ARHGEF3: variants seen among roughly 807,000 people sequenced by gnomAD.
The protein encoded by ARHGEF3 is 59.8 kDA protein.
A neutral mutation model predicts 63.2 loss-of-function variants in ARHGEF3; 28 were observed. The ratio of observed to expected loss-of-function variants is 0.44; its 90% CI spans 0.33 to 0.61. The LOEUF (loss-of-function observed/expected upper bound fraction) is 0.61. Ranked by LOEUF, ARHGEF3 falls within the 20% of genes least tolerant of loss-of-function variation. ARHGEF3 has a pLI of 0.03. For synonymous variants in ARHGEF3, 266 were observed against 254.2 expected (o/e 1.05, Z -0.44); for missense variants, 533 against 659.3 (o/e 0.81, Z 2.10).
At chr3:57,056,619 T>C (rs1323845813) in intron 1 of ARHGEF3, among the ~76,000 whole-genome samples, 1 of 152,070 alleles carries the variant, frequency 6.6e-6, no homozygotes, top group Non-Finnish European at 1.5e-5. Context: ...GGAAAGGGCA[T>C]GTTAGTTAAG....
At chr3:56,813,918 A>G (rs1362539553) in intron 4 of ARHGEF3, among the ~76,000 whole-genome samples, 1 of 151,998 alleles carries the variant, frequency 6.6e-6, no homozygotes, top group Non-Finnish European at 1.5e-5. Flanking sequence ...CTCAGTAGAC[A>G]GATGCCAACA....
rs1704393038 is a variant in ARHGEF3, at chr3:57,045,138, G to A, written c.-27-9962C>T. On this transcript the variant is annotated intron_variant, in intron 1 of 12. Coordinates refer to the ARHGEF3 transcript ENST00000338458. ...AAAAATTAGCTGGGCGTGGTGGCGGGCACCTGTAATCCCAGCTACTGGGGA... is the reference window on the plus strand; with the variant it reads ...AAAAATTAGCTGGGCGTGGTGGCGGACACCTGTAATCCCAGCTACTGGGGA... Among the ~76,000 whole-genome samples, 3 of 152,126 alleles carry A rather than the reference G, an allele frequency of 2.0e-5. No individual in the cohort carries two copies. The South Asian group carries it at 6.2e-4, about 31-fold the overall frequency.
At chr3:56,836,524 C>G (rs1052250304) in intron 4 of ARHGEF3, among the ~76,000 whole-genome samples, 3 of 152,164 alleles carry the variant, frequency 2.0e-5, no homozygotes, top group Non-Finnish European at 2.9e-5. Context: ...GATGCCAAAG[C>G]GTTTTCAACC....
chr3:56,994,713 C>T lies in ARHGEF3; in HGVS notation c.63-35824G>A, dbSNP rs533393405. On this transcript the variant is annotated intron_variant, in intron 2 of 12. Transcript: ENST00000338458. ...AACAAAACACAGTATAACTTAAAAACTTCCCACACTCCCCCGAATCCAGGA... is the reference window on the plus strand; with the variant it reads ...AACAAAACACAGTATAACTTAAAAATTTCCCACACTCCCCCGAATCCAGGA... Among the ~76,000 whole-genome samples, 12 of 152,258 alleles carry T rather than the reference C, an allele frequency of 7.9e-5. No individual in the cohort carries two copies. The East Asian group carries it at 2.1e-3, about 27-fold the overall frequency.
At chr3:57,045,051 G>A (rs1054745235) in intron 1 of ARHGEF3, among the ~76,000 whole-genome samples, 29 of 152,176 alleles carry the variant, frequency 1.9e-4, no homozygotes, top group African/African-American at 6.5e-4. Context: ...TGGATCACCT[G>A]AACTCAGGAG....
At chr3:56,965,003 A>G (rs1437240489) in intron 2 of ARHGEF3, among the ~76,000 whole-genome samples, 2 of 152,222 alleles carry the variant, frequency 1.3e-5, no homozygotes, top group Non-Finnish European at 2.9e-5. Flanking sequence ...AAAGCTTCTC[A>G]GTGCTTTGGG....
chr3:56,921,570 G>A (rs1396704007), intron 3 of ARHGEF3, among the ~76,000 whole-genome samples: 1 of 152,188 alleles, frequency 6.6e-6, no homozygotes. Flanking sequence ...ACTCCTCAAA[G>A]CTGGAAGGGT....
chr3:56,842,974 T>TA (rs996924041), intron 4 of ARHGEF3, among the ~76,000 whole-genome samples: 7 of 152,148 alleles, frequency 4.6e-5, no homozygotes, highest in Admixed American at 1.3e-4. Flanking sequence ...ATATTTTACT[T>TA]AAAAAAACCC....
chr3:57,024,957 C>T (rs1703412011), intron 2 of ARHGEF3, among the ~76,000 whole-genome samples: 1 of 152,128 alleles, frequency 6.6e-6, no homozygotes, highest in African/African-American at 2.4e-5. Context: ...GTGATGTCAC[C>T]CACGAGGGCC....
chr3:56,975,127 A>T (rs541663824), intron 2 of ARHGEF3, among the ~76,000 whole-genome samples: 1 of 152,104 alleles, frequency 6.6e-6, no homozygotes, highest in Non-Finnish European at 1.5e-5. Flanking sequence ...TTTAAAAAGA[A>T]CCAGTTCTGG....
intron 4 of ARHGEF3, among the ~76,000 whole-genome samples, chr3:56,863,833 T>C (rs966140820): frequency 2.0e-5 from 3 of 152,210 alleles, no homozygotes; most frequent in Non-Finnish European, 4.4e-5. Context: ...TTCATCTATA[T>C]TATTTTATAT....
chr3:57,057,273 G>A (rs1032697113), intron 1 of ARHGEF3, among the ~76,000 whole-genome samples: 1 of 151,958 alleles, frequency 6.6e-6, no homozygotes, highest in Non-Finnish European at 1.5e-5. Context: ...CACCACACTT[G>A]GCTAATTTTT....
At chr3:56,757,451 G>A (rs113172042) in intron 2 of ARHGEF3, among the ~76,000 whole-genome samples, 2 of 152,142 alleles carry the variant, frequency 1.3e-5, no homozygotes, top group Admixed American at 6.5e-5. Context: ...TCCAGTCTGG[G>A]CGACAAGAGT....
intron 3 of ARHGEF3, among the ~76,000 whole-genome samples, chr3:56,909,760 T>G (rs1333561800): frequency 6.6e-6 from 1 of 152,178 alleles, no homozygotes; most frequent in African/African-American, 2.4e-5. Context: ...CCCAGCAACA[T>G]GCAGAGTGCT....
At chr3:57,063,096 G>A (rs142396237) in intron 1 of ARHGEF3, among the ~76,000 whole-genome samples, 1 of 152,240 alleles carries the variant, frequency 6.6e-6, no homozygotes, top group Admixed American at 6.5e-5. Context: ...TGAAGGAAAT[G>A]AGGGACCAAG....
At chr3:56,845,982 A>G (rs1277732048) in intron 4 of ARHGEF3, among the ~76,000 whole-genome samples, 1 of 152,206 alleles carries the variant, frequency 6.6e-6, no homozygotes, top group Non-Finnish European at 1.5e-5. Context: ...CACTGTGATA[A>G]TGAAACAAAA....
intron 4 of ARHGEF3, among the ~76,000 whole-genome samples, chr3:56,815,080 G>A (rs775481170): frequency 6.6e-6 from 1 of 151,842 alleles, no homozygotes; most frequent in Admixed American, 6.6e-5. Context: ...AGAGTTTGAG[G>A]CTGCAGTGAG....
intron 2 of ARHGEF3, among the ~76,000 whole-genome samples, chr3:56,981,892 C>T (rs1376739871): frequency 6.6e-6 from 1 of 152,198 alleles, no homozygotes; most frequent in Non-Finnish European, 1.5e-5. Flanking sequence ...CCCAGATTTT[C>T]TGTTGGGGGA....
intron 2 of ARHGEF3, among the ~76,000 whole-genome samples, chr3:56,768,639 G>C (rs1169379897): frequency 1.0e-5 from 1 of 99,110 alleles, no homozygotes; most frequent in Non-Finnish European, 2.1e-5. Flanking sequence ...GGAAAATAGA[G>C]ATGGAATAAA....
Sources: allele counts gnomAD v4.1 joint callset (sites outside exome capture counted in the v4.1 genomes callset), GRCh38; gene constraint gnomAD v4.1.1; transcripts MANE v1.5; gene names NCBI Gene and HGNC (gene_info 2026-07-23, HGNC 2026-07-21).